Variants in BRCA2 observed in about 807,000 individuals in gnomAD.
The protein encoded by BRCA2 is BRCA2 DNA repair associated.
Under a neutral mutation model 276.7 loss-of-function variants are expected in BRCA2, and 203 were observed. That is an observed-to-expected ratio of 0.73 (90% CI 0.65 to 0.82). The LOEUF (loss-of-function observed/expected upper bound fraction) is 0.82. Among genes scored for constraint, BRCA2 ranks in the 40% least tolerant of loss-of-function variants. The pLI is 0.00. For missense variants in BRCA2, 3,920 were observed against 3,915.0 expected, an observed-to-expected ratio of 1.00 and a Z score of -0.03; for synonymous variants, 1,289 against 1,338.4, an observed-to-expected ratio of 0.96 and a Z score of 0.81.
At chr13:32,318,144 C>T (rs2072277143) in intron 2 of BRCA2, among the ~76,000 whole-genome samples, 1 of 152,174 alleles carries the variant, frequency 6.6e-6, no homozygotes, top group Non-Finnish European at 1.5e-5. Flanking sequence ...TAGTTTGGTG[C>T]CACTGCCATA....
Position 32,332,268 on chromosome 13 carries a change from A to G in BRCA2, c.794-4A>G, listed in dbSNP as rs1459152619. 1.9e-6 allele frequency: 3 copies of G among 1,596,170 alleles called. No individual in the cohort carries two copies. Among genetic ancestry groups the G allele is most frequent in the Non-Finnish European group, 1.7e-6 (2 of 1,168,416 alleles). On this transcript the variant is annotated splice_polypyrimidine_tract_variant and splice_region_variant and intron_variant, in intron 9 of 26. Transcript: ENST00000380152. ...TAATGTGCTTCTGTTTTATACTTTAACAGGATTTGGAAAAACATCAGGGAA... is the reference window on the plus strand; with the variant it reads ...TAATGTGCTTCTGTTTTATACTTTAGCAGGATTTGGAAAAACATCAGGGAA...
intron 2 of BRCA2, 98 bp downstream of exon 2, chr13:32,316,625 A>T (rs2072263670): frequency 9.8e-7 from 1 of 1,021,924 alleles, no homozygotes; most frequent in Non-Finnish European, 1.5e-6. Flanking sequence ...GTTGCTTAGA[A>T]CCATAAACTG....
At chr13:32,376,970 C>T (rs574695330) in intron 21 of BRCA2, among the ~76,000 whole-genome samples, 179 bp downstream of exon 21, 1 of 152,254 alleles carries the variant, frequency 6.6e-6, no homozygotes, top group South Asian at 2.1e-4. Context: ...ATGTTTTCAA[C>T]TATATACCGA....
intron 3 of BRCA2, among the ~76,000 whole-genome samples, chr13:32,322,669 T>A (rs2072314285): frequency 6.6e-6 from 1 of 152,212 alleles, no homozygotes; most frequent in Non-Finnish European, 1.5e-5. Flanking sequence ...CACGAACATG[T>A]CACAGTGCTG....
At chr13:32,375,321 G>T (rs1385544287) in intron 20 of BRCA2, 1 of 429,074 alleles carries the variant, frequency 2.3e-6, no homozygotes, top group South Asian at 1.8e-5. Context: ...TAGTTCTCTT[G>T]CTATTTTCAC....
At chr13:32,364,513 C>A (rs2072767918) in intron 18 of BRCA2, among the ~76,000 whole-genome samples, 1 of 152,140 alleles carries the variant, frequency 6.6e-6, no homozygotes, top group African/African-American at 2.4e-5. Flanking sequence ...TACCCTCTTC[C>A]CCATCTTCCC....
intron 14 of BRCA2, among the ~76,000 whole-genome samples, chr13:32,355,526 G>C (rs1328213490): frequency 6.6e-6 from 1 of 152,054 alleles, no homozygotes; most frequent in Non-Finnish European, 1.5e-5. Flanking sequence ...GCTGTTACTG[G>C]AATATATTTT....
At chr13:32,364,231 G>A (rs2072765960) in intron 18 of BRCA2, among the ~76,000 whole-genome samples, 3 of 151,250 alleles carry the variant, frequency 2.0e-5, no homozygotes. Flanking sequence ...TCATTTTCTT[G>A]TTTTTGTTTT....
Position 32,339,158 on chromosome 13 carries a change from T to C in BRCA2, c.4803T>C (p.Asp1601=), listed in dbSNP as rs772234613. The stretch of plus-strand genomic sequence containing the variant: ...AAATGCAGAATTCTCTCAATAATGA[T>C]AAAAACCTTGTTTCTATTGAGACTG... ...CKEMQNSLNN[D]KNLVSIETVV... Residue 1601 remains aspartate, a synonymous_variant, in exon 11 of 27, where the codon GAT becomes GAC. Coordinates refer to ENST00000380152, the MANE Select transcript of BRCA2 (RefSeq NM_000059.4). 2 of 1,613,988 alleles carry C rather than the reference T, an allele frequency of 1.2e-6. No homozygotes were observed. The highest frequency in any genetic ancestry group is 4.5e-5 in the East Asian group (2 of 44,880).
intron 18 of BRCA2, 87 bp downstream of exon 18, chr13:32,363,620 A>C (rs2137583541): frequency 8.4e-7 from 1 of 1,185,344 alleles, no homozygotes; most frequent in Non-Finnish European, 1.2e-6. Flanking sequence ...AATGCTTACT[A>C]AGGATGCTCA....
At chr13:32,363,110 T>C in intron 17 of BRCA2, 69 bp from the exon 18 acceptor site, 2 of 1,318,298 alleles carry the variant, frequency 1.5e-6, no homozygotes, top group Non-Finnish European at 2.2e-6. Context: ...AGTTATTCAG[T>C]GACTTGTTTA....
At chr13:32,361,798 T>G (rs2072739187) in intron 16 of BRCA2, among the ~76,000 whole-genome samples, 1 of 151,974 alleles carries the variant, frequency 6.6e-6, no homozygotes, top group African/African-American at 2.4e-5. Context: ...GTTGTCTTAG[T>G]GCTAAGAGTA....
In BRCA2 at chr13:32,354,935, A is replaced by G. The variant is rs876659579; in HGVS notation, c.7082A>G (p.His2361Arg). Residue 2361 changes from histidine to arginine, a missense_variant, in exon 14 of 27, where the codon CAT becomes CGT. This residue lies in a region of BRCA2 where 3,263 missense variants were observed against 3,156.9 expected (regional missense o/e 1.03). Coordinates refer to ENST00000380152, the MANE Select transcript of BRCA2 (RefSeq NM_000059.4). ...APGQEFLSKS[H>R]LYEHLTLEKS... ...GGTCAAGAATTTCTGTCTAAATCTCATTTGTATGAACATCTGACTTTGGAA... is the reference window on the plus strand; with the variant it reads ...GGTCAAGAATTTCTGTCTAAATCTCGTTTGTATGAACATCTGACTTTGGAA... 6.2e-7 allele frequency: 1 copy of G among 1,613,902 alleles called. No individual in the cohort carries two copies. Among genetic ancestry groups the G allele is most frequent in the Admixed American group, 1.7e-5 (1 of 59,996 alleles).
In BRCA2 at chr13:32,344,544, A is replaced by T. The variant is rs81002821; in HGVS notation, c.6842-14A>T. Reference sequence around the variant, plus strand: ...TATTTGCCTTAAAAACATATATGAAATATTTCTTTTTAGGAGAACCCTCAA... The same window carrying T: ...TATTTGCCTTAAAAACATATATGAATTATTTCTTTTTAGGAGAACCCTCAA... On this transcript the variant is annotated splice_polypyrimidine_tract_variant and intron_variant, in intron 11 of 26. Coordinates refer to ENST00000380152, the MANE Select transcript of BRCA2 (RefSeq NM_000059.4). 14 of 1,463,372 alleles carry T rather than the reference A, an allele frequency of 9.6e-6. No individual in the cohort carries two copies. The highest frequency in any genetic ancestry group is 1.3e-5 in the Non-Finnish European group (14 of 1,049,292). 90.6% of individuals were successfully genotyped at this position (1,463,372 alleles called of 1,614,324 possible). A position where few individuals can be genotyped will look rare whatever the true frequency, so the allele number is the denominator to read the frequency against.
At chr13:32,374,333 C>T (rs530666116) in intron 20 of BRCA2, among the ~76,000 whole-genome samples, 15 of 152,200 alleles carry the variant, frequency 9.9e-5, no homozygotes, top group African/African-American at 1.4e-4. Context: ...AATTCTTTCC[C>T]GGGAAATGGA....
intron 14 of BRCA2, 93 bp downstream of exon 14, chr13:32,355,381 G>A (rs529743325): frequency 1.4e-6 from 2 of 1,418,448 alleles, no homozygotes; most frequent in Admixed American, 2.0e-5. Context: ...CCCTTTGGTG[G>A]TGGTAATTTT....
chr13:32,348,173 A>T (rs1374939750), intron 13 of BRCA2, among the ~76,000 whole-genome samples: 1 of 152,156 alleles, frequency 6.6e-6, no homozygotes, highest in African/African-American at 2.4e-5. Context: ...CAGAATACAG[A>T]ATAAAATGAA....
rs55996097 is a variant in BRCA2 at position 32,339,990 on chromosome 13, G to A, written c.5635G>A (p.Glu1879Lys). 144 of 1,612,052 alleles carry A rather than the reference G, an allele frequency of 8.9e-5. 1 individual carries two copies. Among genetic ancestry groups the A allele is most frequent in the South Asian group, 1.4e-4 (13 of 90,354 alleles). The change falls in exon 11 of 27, where the codon GAG becomes AAG. Residue 1879 changes from glutamate (E) to lysine (K), a missense_variant. By Grantham distance (56) the Glu-to-Lys change is moderately conservative. Around this residue, in one of 2 missense-constraint regions of BRCA2, gnomAD observed 3,263 missense variants for 3,156.9 expected, o/e 1.03. Transcript: ENST00000380152. ...SFSKVIKENN[E>K]NKSKICQTKI... is the part of the protein sequence containing the mutation. The stretch of plus-strand genomic sequence containing the variant: ...CAGTAAAGTAATTAAGGAAAACAAC[G>A]AGAATAAATCAAAAATTTGCCAAAC...
chr13:32,336,561 G>A lies in BRCA2; in HGVS notation c.2206G>A (p.Ala736Thr), dbSNP rs730881513. ...VSDIKEEVLA[A>T]ACHPVQHSKV... is the part of the protein sequence containing the mutation. Reference sequence around the variant, plus strand: ...AGATATAAAAGAAGAGGTCTTGGCTGCAGCATGTCACCCAGTACAACATTC... The same window carrying A: ...AGATATAAAAGAAGAGGTCTTGGCTACAGCATGTCACCCAGTACAACATTC... Residue 736 changes from alanine (A) to threonine (T), a missense_variant, in exon 11 of 27, where the codon GCA (alanine) becomes ACA (threonine). Ala to Thr is a moderately conservative substitution (Grantham distance 58). This residue lies in a region of BRCA2 where 3,263 missense variants were observed against 3,156.9 expected (regional missense o/e 1.03). Coordinates refer to ENST00000380152, the MANE Select transcript of BRCA2 (RefSeq NM_000059.4). The A allele has an allele frequency of 6.2e-7, 1 of 1,614,076 alleles. No homozygotes were observed. The highest frequency in any genetic ancestry group is 8.5e-7 in the Non-Finnish European group (1 of 1,179,982).
Sources: allele counts gnomAD v4.1 joint callset (sites outside exome capture counted in the v4.1 genomes callset), GRCh38; gene constraint gnomAD v4.1.1; regional missense constraint gnomAD v4.1.1; transcripts MANE v1.5; gene names NCBI Gene and HGNC (gene_info 2026-07-23, HGNC 2026-07-21).